ADAMTSL1: variants seen among roughly 807,000 people sequenced by gnomAD.
The protein encoded by ADAMTSL1 is ADAMTS-like protein 1.
Under a neutral mutation model 201.8 loss-of-function variants are expected in ADAMTSL1, and 126 were observed. The observed-to-expected ratio is 0.62, with a 90% CI of 0.54 to 0.72. The LOEUF (loss-of-function observed/expected upper bound fraction) is 0.72. ADAMTSL1 is among the 30% of genes least tolerant of loss of function. The pLI, the probability that ADAMTSL1 is intolerant of heterozygous loss-of-function variation, is 0.00. For missense variants in ADAMTSL1, 2,679 were observed against 2,277.8 expected, an observed-to-expected ratio of 1.18 and a Z score of -3.59; for synonymous variants, 1,121 against 903.4, an observed-to-expected ratio of 1.24 and a Z score of -4.32.
chr9:18,617,385 A>G (rs889883920), intron 4 of ADAMTSL1, among the ~76,000 whole-genome samples: 1 of 152,116 alleles, frequency 6.6e-6, no homozygotes, highest in African/African-American at 2.4e-5. Context: ...TCAGCTCTGT[A>G]AAGTGAAGGA....
At chr9:18,120,670 A>G (rs75577093) in intron 1 of ADAMTSL1, among the ~76,000 whole-genome samples, 3,100 of 152,352 alleles carry the variant, frequency 0.02, 55 homozygotes, top group East Asian at 0.092. Context: ...AAAAACACAT[A>G]TAAGAAATGC....
intron 21 of ADAMTSL1, among the ~76,000 whole-genome samples, chr9:18,823,936 G>A (rs1197239167): frequency 6.6e-6 from 1 of 151,980 alleles, no homozygotes; most frequent in Non-Finnish European, 1.5e-5. Context: ...GCTGCAGTGA[G>A]CCGAGATCAT....
chr9:18,362,280 C>T (rs1484933780), intron 2 of ADAMTSL1: 2 of 152,182 alleles, frequency 1.3e-5, no homozygotes, highest in African/African-American at 2.4e-5. Context: ...AAAACTCAGA[C>T]CTGATGAAGT....
At chr9:17,968,763 A>G (rs1394852621) in intron 1 of ADAMTSL1, among the ~76,000 whole-genome samples, 1 of 152,128 alleles carries the variant, frequency 6.6e-6, no homozygotes, top group African/African-American at 2.4e-5. Flanking sequence ...TGAATTTTGA[A>G]GATCAGTTAT....
intron 2 of ADAMTSL1, among the ~76,000 whole-genome samples, chr9:18,448,991 A>G (rs2131664038): frequency 6.6e-6 from 1 of 152,086 alleles, no homozygotes; most frequent in Admixed American, 6.5e-5. Flanking sequence ...ACTAAATAAA[A>G]TATATGGGGG....
At chr9:18,442,906 G>T (rs990042825) in intron 2 of ADAMTSL1, among the ~76,000 whole-genome samples, 1 of 152,146 alleles carries the variant, frequency 6.6e-6, no homozygotes, top group African/African-American at 2.4e-5. Flanking sequence ...AGCCTTCTAC[G>T]ACCTGCCACA....
At chr9:18,108,079 A>C (rs2131870684) in intron 1 of ADAMTSL1, among the ~76,000 whole-genome samples, 1 of 152,314 alleles carries the variant, frequency 6.6e-6, no homozygotes, top group East Asian at 1.9e-4. Flanking sequence ...CTAGAGTGAA[A>C]GCCTCTTTTG....
At chr9:18,469,475 T>G (rs1390281891), upstream of ADAMTSL1, among the ~76,000 whole-genome samples, 1 of 152,244 alleles carries the variant, frequency 6.6e-6, no homozygotes, top group Non-Finnish European at 1.5e-5. Flanking sequence ...ACACATAACA[T>G]TTGAGTTACC....
chr9:18,724,227 A>T (rs574090), intron 15 of ADAMTSL1, among the ~76,000 whole-genome samples: 9 of 152,152 alleles, frequency 5.9e-5, no homozygotes, highest in African/African-American at 9.7e-5. Flanking sequence ...TTTCCCAGGC[A>T]GTTGTTAGTC....
At chr9:18,879,623 C>T (rs1007883373) in intron 23 of ADAMTSL1, among the ~76,000 whole-genome samples, 3 of 151,896 alleles carry the variant, frequency 2.0e-5, no homozygotes, top group Admixed American at 2.0e-4. Flanking sequence ...AAAACACATA[C>T]ATGCCTTAAT....
chr9:18,517,481 G>A (rs200115991), intron 2 of ADAMTSL1, among the ~76,000 whole-genome samples: 10 of 150,188 alleles, frequency 6.7e-5, no homozygotes, highest in East Asian at 2.0e-4. Context: ...GGTTAGTTAC[G>A]TATGTATACA....
intron 1 of ADAMTSL1, among the ~76,000 whole-genome samples, chr9:18,044,380 T>C (rs1821570274): frequency 6.6e-6 from 1 of 152,074 alleles, no homozygotes; most frequent in Non-Finnish European, 1.5e-5. Context: ...GGTGGTGCCT[T>C]TGTGAAACTA....
At chr9:18,798,707 G>T (rs1420145542) in intron 20 of ADAMTSL1, among the ~76,000 whole-genome samples, 1 of 152,190 alleles carries the variant, frequency 6.6e-6, no homozygotes, top group Non-Finnish European at 1.5e-5. Flanking sequence ...GTGGGCAACA[G>T]AGAGAGACGC....
chr9:18,551,762 AGTGCCTGTCAC>A (rs1327686632), intron 3 of ADAMTSL1, among the ~76,000 whole-genome samples: 5 of 151,798 alleles, frequency 3.3e-5, no homozygotes, highest in Admixed American at 3.3e-4. Context: ...CATGTAGGTC[AGTGCCTGTCAC>A]ATAATAATAC....
At chr9:18,802,983 T>A (rs1001588220) in intron 20 of ADAMTSL1, among the ~76,000 whole-genome samples, 1 of 152,262 alleles carries the variant, frequency 6.6e-6, no homozygotes, top group African/African-American at 2.4e-5. Flanking sequence ...TATGTGTTTA[T>A]GAGTCATTTA....
chr9:18,675,947 T>G, intron 10 of ADAMTSL1, 40 bp downstream of exon 10: 1 of 1,551,658 alleles, frequency 6.4e-7, no homozygotes, highest in Non-Finnish European at 8.9e-7. Flanking sequence ...ATTAGCAAAT[T>G]AGTCTTCTGC....
At chr9:18,035,504 C>G (rs1184113582) in intron 1 of ADAMTSL1, among the ~76,000 whole-genome samples, 1 of 152,144 alleles carries the variant, frequency 6.6e-6, no homozygotes, top group Non-Finnish European at 1.5e-5. Context: ...GGCATGTTTT[C>G]TCTTCAGATA....
At chr9:18,063,318 C>T (rs571703247) in intron 1 of ADAMTSL1, among the ~76,000 whole-genome samples, 1 of 152,194 alleles carries the variant, frequency 6.6e-6, no homozygotes, top group African/African-American at 2.4e-5. Context: ...CACTGAACTC[C>T]AGCTTGGGCA....
chr9:18,007,472 G>C (rs1157308244), intron 1 of ADAMTSL1, among the ~76,000 whole-genome samples: 2 of 151,978 alleles, frequency 1.3e-5, no homozygotes, highest in East Asian at 3.9e-4. Context: ...GTATGTTAGA[G>C]TCATCTTGGA....
Sources: gnomAD v4.1 joint callset for allele counts (sites outside exome capture counted in the v4.1 genomes callset) on GRCh38, gnomAD v4.1.1 for gene constraint, MANE v1.5 for transcripts, NCBI Gene and HGNC (gene_info 2026-07-23, HGNC 2026-07-21) for gene names.